Variants in LUZP2 observed in about 807,000 individuals in gnomAD.
LUZP2 encodes the protein leucine zipper protein 2.
A neutral mutation model predicts 51.6 loss-of-function variants in LUZP2; 52 were observed. That is an observed-to-expected ratio of 1.01 (90% CI 0.81 to 1.27). The LOEUF (loss-of-function observed/expected upper bound fraction) is 1.27. Among genes scored for constraint, LUZP2 ranks in the 50% most tolerant of loss-of-function variants. The pLI, the probability that LUZP2 is intolerant of heterozygous loss-of-function variation, is 0.00. For synonymous variants in LUZP2, 154 were observed against 137.3 expected (o/e 1.12, Z -0.85); for missense variants, 436 against 395.4 (o/e 1.10, Z -0.87).
At chr11:25,008,335 C>T (rs535222048) in intron 9 of LUZP2, among the ~76,000 whole-genome samples, 1 of 152,284 alleles carries the variant, frequency 6.6e-6, no homozygotes, top group Non-Finnish European at 1.5e-5. Flanking sequence ...CCATGGAGGC[C>T]AAAGGTGTGT....
In LUZP2 at chr11:24,999,609, G is replaced by A. The variant is rs1010498344; in HGVS notation, c.765+16316G>A. Among the ~76,000 whole-genome samples, 15 of 124,822 alleles carry A rather than the reference G, an allele frequency of 1.2e-4. No individual in the cohort carries two copies. The South Asian group carries it at 2.3e-3, about 20-fold the overall frequency. The allele number at this position is 124,822 out of a possible 152,430, so 81.9% of individuals were successfully genotyped here. The stretch of plus-strand genomic sequence containing the variant: ...TCTTAATCCCTTGACCTCGTGATCT[G>A]CCCACCTCGGCCTCCAAAGTGCTGA... On this transcript the variant is annotated intron_variant, in intron 9 of 11. Transcript: ENST00000336930.
intron 5 of LUZP2, among the ~76,000 whole-genome samples, chr11:24,804,347 G>A (rs1337416839): frequency 4.6e-5 from 7 of 152,052 alleles, no homozygotes; most frequent in African/African-American, 1.2e-4. Flanking sequence ...GGGAGAAAAC[G>A]TATCATCTTT....
At chr11:24,821,822 C>T (rs906750799) in intron 5 of LUZP2, among the ~76,000 whole-genome samples, 7 of 151,470 alleles carry the variant, frequency 4.6e-5, no homozygotes, top group Non-Finnish European at 2.9e-5. Context: ...AAACTACAGT[C>T]CTTCCAAACC....
chr11:24,639,382 T>C (rs566669300), intron 1 of LUZP2, among the ~76,000 whole-genome samples: 14 of 151,954 alleles, frequency 9.2e-5, no homozygotes, highest in African/African-American at 2.9e-4. Flanking sequence ...AGCTCATAGA[T>C]ATGTAATTCT....
At chr11:24,659,978 G>A (rs1055450206) in intron 1 of LUZP2, among the ~76,000 whole-genome samples, 2 of 152,136 alleles carry the variant, frequency 1.3e-5, no homozygotes, top group African/African-American at 2.4e-5. Flanking sequence ...TCCATAATCA[G>A]TTCACTTGGA....
chr11:24,548,450 A>G (rs976684927), intron 1 of LUZP2, among the ~76,000 whole-genome samples: 11 of 152,076 alleles, frequency 7.2e-5, no homozygotes, highest in Non-Finnish European at 1.5e-4. Context: ...TAATGCAGGA[A>G]GAGAAAACCA....
intron 1 of LUZP2, among the ~76,000 whole-genome samples, chr11:24,594,452 G>T (rs973768959): frequency 6.6e-6 from 1 of 152,046 alleles, no homozygotes; most frequent in African/African-American, 2.4e-5. Flanking sequence ...CTCTTTTGAT[G>T]CCCTGTGAAG....
chr11:24,937,776 C>G (rs1854629842), intron 7 of LUZP2, among the ~76,000 whole-genome samples: 1 of 151,968 alleles, frequency 6.6e-6, no homozygotes, highest in Non-Finnish European at 1.5e-5. Context: ...TGGCGGGCGC[C>G]CGTAGTTCCA....
intron 1 of LUZP2, among the ~76,000 whole-genome samples, chr11:24,542,525 T>TG (rs1298431298): frequency 6.6e-6 from 1 of 151,230 alleles, no homozygotes; most frequent in Non-Finnish European, 1.5e-5. Flanking sequence ...TTCCAGTGTG[T>TG]GAAAAAAAAA....
chr11:24,497,296 T>C lies in LUZP2; in HGVS notation c.53T>C (p.Leu18Pro). ...CTGCCTCTCCTGCCTGCGCTGGTCC[T>C]CAGCACCAGGTGAGTCCAGGAGCGT... The part of the protein sequence containing the change: ...YLLPLLPALV[L>P]STRQDYEELE... Residue 18 changes from leucine (L) to proline (P), a missense_variant, in exon 1 of 12, where the codon CTC (leucine) becomes CCC (proline). Leu to Pro is a moderately conservative substitution (Grantham distance 98). Coordinates refer to ENST00000336930, the MANE Select transcript of LUZP2 (RefSeq NM_001009909.4). The C allele has an allele frequency of 6.4e-7, 1 of 1,564,514 alleles. No individual in the cohort carries two copies. Among genetic ancestry groups the C allele is most frequent in the Non-Finnish European group, 8.7e-7 (1 of 1,154,010 alleles).
At chr11:24,696,842 G>T (rs1359712319) in intron 1 of LUZP2, among the ~76,000 whole-genome samples, 1 of 152,008 alleles carries the variant, frequency 6.6e-6, no homozygotes, top group Non-Finnish European at 1.5e-5. Flanking sequence ...GTAAGTTGTA[G>T]ATGATCTCTT....
Position 24,711,202 on chromosome 11 carries a change from C to A in LUZP2, c.63-17967C>A, listed in dbSNP as rs547390997. 2.0e-5 allele frequency among the ~76,000 whole-genome samples: 3 copies of A among 152,254 alleles called. No homozygotes were observed. In the East Asian group the frequency reaches 5.8e-4, roughly 29 times the overall value. ...CGGTGGCTGATGCCTGTAATCCCAG[C>A]ACTTTGGGAGGCCAAGGCGGGCGGA... On this transcript the variant is annotated intron_variant, in intron 1 of 11. Coordinates refer to ENST00000336930, the MANE Select transcript of LUZP2 (RefSeq NM_001009909.4).
intron 6 of LUZP2, among the ~76,000 whole-genome samples, chr11:24,911,877 C>T (rs1402270596): frequency 6.6e-6 from 1 of 152,096 alleles, no homozygotes; most frequent in Non-Finnish European, 1.5e-5. Context: ...TTCATAAAAG[C>T]CATTGGCAAC....
intron 5 of LUZP2, chr11:24,786,554 G>A (rs933012316): frequency 4.6e-6 from 2 of 431,234 alleles, no homozygotes; most frequent in Non-Finnish European, 6.1e-6. Flanking sequence ...ATATAAACAG[G>A]TGTATATAAT....
intron 5 of LUZP2, among the ~76,000 whole-genome samples, chr11:24,785,051 C>T (rs1213121717): frequency 2.0e-5 from 3 of 151,970 alleles, no homozygotes; most frequent in African/African-American, 7.2e-5. Context: ...TCTGTGGATC[C>T]ATACCTCACA....
At chr11:24,526,268 A>G (rs1850799916) in intron 1 of LUZP2, among the ~76,000 whole-genome samples, 1 of 148,802 alleles carries the variant, frequency 6.7e-6, no homozygotes, top group African/African-American at 2.4e-5. Flanking sequence ...TAGGGGGCAA[A>G]AAAAAAAAAA....
chr11:24,988,985 G>A (rs1188231580), intron 9 of LUZP2, among the ~76,000 whole-genome samples: 2 of 151,748 alleles, frequency 1.3e-5, no homozygotes, highest in Admixed American at 1.3e-4. Context: ...AGAAAATAGG[G>A]AGGCAGCCAT....
At chr11:25,029,193 C>T (rs1045834948) in intron 9 of LUZP2, among the ~76,000 whole-genome samples, 4 of 152,064 alleles carry the variant, frequency 2.6e-5, no homozygotes, top group Admixed American at 2.6e-4. Context: ...TGACTATACT[C>T]AATAATAACT....
intron 7 of LUZP2, among the ~76,000 whole-genome samples, chr11:24,972,269 CTTTATGATGAA>C: frequency 6.6e-6 from 1 of 151,038 alleles, no homozygotes; most frequent in Non-Finnish European, 1.5e-5. Context: ...TATTGATTGC[CTTTATGATGAA>C]TTTATGACAA....
Sources: gnomAD v4.1 joint callset for allele counts (sites outside exome capture counted in the v4.1 genomes callset) on GRCh38, gnomAD v4.1.1 for gene constraint, MANE v1.5 for transcripts, NCBI Gene and HGNC (gene_info 2026-07-23, HGNC 2026-07-21) for gene names.